COA1: variants seen among roughly 807,000 people sequenced by gnomAD.
COA1 encodes cytochrome c oxidase assembly factor 1 homolog.
In COA1, 13 loss-of-function variants were observed where a neutral mutation model predicts 16.0. The ratio of observed to expected loss-of-function variants is 0.81; its 90% confidence interval spans 0.53 to 1.29. COA1 has a LOEUF of 1.29. COA1 is among the 50% of genes most tolerant of loss of function. The probability of loss-of-function intolerance (pLI) is 0.00; values close to 1 mark genes in which losing one functional copy is unlikely to be tolerated. For missense variants in COA1, 179 were observed against 177.0 expected, an observed-to-expected ratio of 1.01 and a Z score of -0.06; for synonymous variants, 65 against 65.7, an observed-to-expected ratio of 0.99 and a Z score of 0.05.
intron 1 of COA1, among the ~76,000 whole-genome samples, chr7:43,691,407 GGAAGGAAGAAAGAA>G (rs2094337291): frequency 9.6e-6 from 1 of 104,672 alleles, no homozygotes; most frequent in South Asian, 3.3e-4. Context: ...AAGGAAGGAA[GGAAGGAAGAAAGAA>G]AAAGAAAGAA....
At chr7:43,728,988 T>C (rs773221502) in intron 1 of COA1, among the ~76,000 whole-genome samples, 26 of 152,232 alleles carry the variant, frequency 1.7e-4, no homozygotes, top group Non-Finnish European at 1.9e-4. Flanking sequence ...TTTTCTGTTA[T>C]TCAAGTGTGG....
Position 43,628,161 on chromosome 7 carries a change from A to AT in COA1, c.*133+11287dup, listed in dbSNP as rs200379950. 3.8e-3 allele frequency among the ~76,000 whole-genome samples: 568 copies of AT among 148,538 alleles called. 10 individuals are homozygous for AT. The East Asian group carries it at 0.081, about 21-fold the overall frequency. On this transcript the variant is annotated intron_variant and NMD_transcript_variant, in intron 6 of 6. Coordinates refer to the COA1 transcript ENST00000415076. ...GCCACCACACCCGGCTAATTTTTGT[A>AT]TTTTTTTTTTAGTAGACATGGGGTT...
intron 1 of COA1, among the ~76,000 whole-genome samples, chr7:43,664,258 G>T (rs2092726951): frequency 6.6e-6 from 1 of 152,030 alleles, no homozygotes; most frequent in Non-Finnish European, 1.5e-5. Flanking sequence ...TGGGATTACA[G>T]GCATGCAACA....
intron 1 of COA1, among the ~76,000 whole-genome samples, chr7:43,685,554 T>G (rs2093984713): frequency 6.6e-6 from 1 of 152,196 alleles, no homozygotes. Flanking sequence ...ATTAATTGAT[T>G]ATATCACAAG....
chr7:43,630,793 T>C (rs553404968), intron 6 of COA1, among the ~76,000 whole-genome samples: 1 of 152,268 alleles, frequency 6.6e-6, no homozygotes, highest in East Asian at 1.9e-4. Flanking sequence ...TACCAACACA[T>C]TTGAGATATG....
At chr7:43,653,755 C>T (rs1395780981) in intron 1 of COA1, among the ~76,000 whole-genome samples, 2 of 151,988 alleles carry the variant, frequency 1.3e-5, no homozygotes, top group Non-Finnish European at 2.9e-5. Context: ...ATTACTTTTG[C>T]ACCAACCTAA....
At position 43,639,676 on chromosome 7, in the gene COA1, TGCCAC is replaced by T. The variant is rs769084379; in HGVS notation, c.342_346del (p.Trp115ProfsTer2). The T allele has an allele frequency of 6.2e-7, 1 of 1,613,502 alleles. No individual in the cohort carries two copies. The highest frequency in any genetic ancestry group is 1.1e-5 in the South Asian group (1 of 91,072). On this transcript the variant is annotated frameshift_variant and splice_region_variant, in exon 6 of 6. Coordinates refer to ENST00000223336, the MANE Select transcript of COA1 (RefSeq NM_018224.4). LOFTEE classifies it low-confidence loss of function (END_TRUNC). ...GAGCTCTAAAAAGACCTCGTCAAGG[TGCCAC>T]CTGAGAGAAACCAAAAGTATAGTAT...
chr7:43,703,169 G>C (rs1339694093), intron 1 of COA1, among the ~76,000 whole-genome samples: 1 of 152,088 alleles, frequency 6.6e-6, no homozygotes, highest in African/African-American at 2.4e-5. Context: ...TTGGTATTGA[G>C]TTCTATTTTT....
intron 4 of COA1, among the ~76,000 whole-genome samples, chr7:43,643,483 G>A (rs528710787): frequency 4.2e-4 from 64 of 152,338 alleles, no homozygotes; most frequent in Non-Finnish European, 7.8e-4. Context: ...GCCTGGCACA[G>A]AGTGAGCACT....
intron 6 of COA1, among the ~76,000 whole-genome samples, chr7:43,618,246 C>T (rs534021282): frequency 6.6e-6 from 1 of 152,190 alleles, no homozygotes; most frequent in South Asian, 2.1e-4. Flanking sequence ...GCAGGGGAGG[C>T]CAGGGCAGGC....
chr7:43,648,390 G>C, intron 2 of COA1: 2 of 662,850 alleles, frequency 3.0e-6, no homozygotes, highest in South Asian at 3.4e-5. Context: ...GAGTGTTACA[G>C]CTTCCAACGC....
chr7:43,708,185 C>CAG (rs1415741611), intron 1 of COA1, among the ~76,000 whole-genome samples: 1 of 152,134 alleles, frequency 6.6e-6, no homozygotes, highest in Non-Finnish European at 1.5e-5. Context: ...GCCTGGGCAA[C>CAG]AGAGCAACAC....
At chr7:43,665,306 TA>T (rs147492187) in intron 1 of COA1, among the ~76,000 whole-genome samples, 1,884 of 152,326 alleles carry the variant, frequency 0.012, 32 homozygotes, top group African/African-American at 0.043. Context: ...ACACAGTATT[TA>T]ACGAGCAGTA....
chr7:43,707,954 T>C (rs993655893), intron 1 of COA1, among the ~76,000 whole-genome samples: 1 of 152,216 alleles, frequency 6.6e-6, no homozygotes, highest in African/African-American at 2.4e-5. Flanking sequence ...TATCCAACAG[T>C]GTAAAAAAAT....
At chr7:43,684,043 G>C (rs891351677) in intron 1 of COA1, among the ~76,000 whole-genome samples, 3 of 152,084 alleles carry the variant, frequency 2.0e-5, no homozygotes, top group African/African-American at 7.2e-5. Flanking sequence ...TGCTACTGTC[G>C]GCTAGAATCT....
rs1554558992 is a variant in COA1, at chr7:43,710,395, T to TA, written c.-39+19033_-39+19034insT. ...AAAAAAATATATATATATATATATA[T>TA]TTTTAAGATATGTCCTAAACAGTTG... On this transcript the variant is annotated intron_variant, in intron 1 of 5. Transcript: ENST00000223336. 7.7e-3 allele frequency among the ~76,000 whole-genome samples: 1,006 copies of TA among 130,230 alleles called. 27 individuals carry two copies. The highest frequency in any genetic ancestry group is 0.014 in the Non-Finnish European group (823 of 59,628). 85.4% of individuals were successfully genotyped at this position (130,230 alleles called of 152,430 possible). A position where few individuals can be genotyped will look rare whatever the true frequency, so the allele number is the denominator to read the frequency against.
At chr7:43,660,495 ATCT>A (rs574728513) in intron 1 of COA1, among the ~76,000 whole-genome samples, 188 of 152,250 alleles carry the variant, frequency 1.2e-3, no homozygotes, top group African/African-American at 4.3e-3. Context: ...ATCTTATCAA[ATCT>A]TCTTAAGGGT....
chr7:43,710,327 T>A, intron 1 of COA1, among the ~76,000 whole-genome samples: 1 of 107,502 alleles, frequency 9.3e-6, no homozygotes, highest in African/African-American at 3.6e-5. Flanking sequence ...CCAGCTTGGG[T>A]GAAAGAGCAA....
At chr7:43,645,123 G>A in intron 4 of COA1, 128 bp downstream of exon 4, 1 of 658,512 alleles carries the variant, frequency 1.5e-6, no homozygotes, top group South Asian at 4.1e-5. Context: ...TTTTAAAGGT[G>A]CCAAACCTAG....
Sources: gnomAD v4.1 joint callset for allele counts (sites outside exome capture counted in the v4.1 genomes callset) on GRCh38, gnomAD v4.1.1 for gene constraint, MANE v1.5 for transcripts, NCBI Gene and HGNC (gene_info 2026-07-23, HGNC 2026-07-21) for gene names.